ULK4: variants seen among roughly 807,000 people sequenced by gnomAD.
ULK4 encodes inactive serine/threonine-protein kinase ULK4.
Under a neutral mutation model 160.6 loss-of-function variants are expected in ULK4, and 133 were observed. The observed-to-expected ratio is 0.83, with a 90% CI of 0.72 to 0.96. The LOEUF (loss-of-function observed/expected upper bound fraction) is 0.96, where lower values mean the gene tolerates loss of function less well. ULK4 is among the 40% of genes least tolerant of loss of function. The pLI, the probability that ULK4 is intolerant of heterozygous loss-of-function variation, is 0.00. For synonymous variants in ULK4, 534 were observed against 539.8 expected, an observed-to-expected ratio of 0.99 and a Z score of 0.15; for missense variants, 1,580 against 1,499.5, an observed-to-expected ratio of 1.05 and a Z score of -0.89.
intron 21 of ULK4, among the ~76,000 whole-genome samples, chr3:41,782,655 C>A (rs2039885661): frequency 6.6e-6 from 1 of 152,010 alleles, no homozygotes; most frequent in South Asian, 2.1e-4. Context: ...TTTTTACTGG[C>A]ACTATAGCTA....
chr3:41,304,303 G>A (rs978863434), intron 35 of ULK4, among the ~76,000 whole-genome samples: 2 of 139,262 alleles, frequency 1.4e-5, no homozygotes, highest in Non-Finnish European at 3.0e-5. Flanking sequence ...GACAACATTC[G>A]AAGACTGGAA....
At chr3:41,641,137 T>G (rs750230772) in intron 30 of ULK4, among the ~76,000 whole-genome samples, 2 of 152,206 alleles carry the variant, frequency 1.3e-5, no homozygotes, top group Non-Finnish European at 2.9e-5. Flanking sequence ...ATGTGTTGCC[T>G]GAGAGGAGAC....
intron 35 of ULK4, among the ~76,000 whole-genome samples, chr3:41,382,931 GAATTC>G (rs931100369): frequency 1.3e-5 from 2 of 151,922 alleles, no homozygotes; most frequent in Non-Finnish European, 2.9e-5. Flanking sequence ...TCAATTAATG[GAATTC>G]ATTTCTTAAA....
At chr3:41,902,218 A>G (rs1214137777) in intron 12 of ULK4, among the ~76,000 whole-genome samples, 1 of 152,234 alleles carries the variant, frequency 6.6e-6, no homozygotes, top group Non-Finnish European at 1.5e-5. Flanking sequence ...ATAAAGGAAC[A>G]GAGGAGTTAG....
chr3:41,624,075 C>G lies in ULK4; in HGVS notation c.3072-8358G>C, dbSNP rs187592462. ...CAAATGTTAAGTTCATTTATATTTT[C>G]TCTCTTTCCTGGGCAATTGAATGAA... On this transcript the variant is annotated intron_variant, in intron 30 of 36. Coordinates refer to ENST00000301831, the MANE Select transcript of ULK4 (RefSeq NM_017886.4). 1.9e-3 allele frequency among the ~76,000 whole-genome samples: 284 copies of G among 152,244 alleles called. 2 individuals carry two copies. Among genetic ancestry groups the G allele is most frequent in the African/African-American group, 6.6e-3 (274 of 41,538 alleles).
chr3:41,931,169 ATGTCC>A (rs1481874868), intron 5 of ULK4, among the ~76,000 whole-genome samples: 1 of 152,202 alleles, frequency 6.6e-6, no homozygotes, highest in Non-Finnish European at 1.5e-5. Context: ...GGATGAGTTC[ATGTCC>A]TTTGCAGGGA....
intron 32 of ULK4, among the ~76,000 whole-genome samples, chr3:41,481,442 T>C (rs936904225): frequency 6.6e-6 from 1 of 152,200 alleles, no homozygotes; most frequent in Non-Finnish European, 1.5e-5. Context: ...ATCCTTAGCC[T>C]TTAGATATTT....
chr3:41,812,887 T>C (rs2040857989), intron 19 of ULK4, among the ~76,000 whole-genome samples: 1 of 152,206 alleles, frequency 6.6e-6, no homozygotes, highest in Admixed American at 6.5e-5. Context: ...AGTTGTCTTT[T>C]TGTTTAAGGT....
intron 32 of ULK4, among the ~76,000 whole-genome samples, chr3:41,492,312 C>G (rs1257613252): frequency 6.6e-6 from 1 of 152,130 alleles, no homozygotes; most frequent in Non-Finnish European, 1.5e-5. Context: ...GCCACACTGA[C>G]TTCCACAATG....
intron 32 of ULK4, among the ~76,000 whole-genome samples, chr3:41,509,014 T>C (rs1575329773): frequency 2.6e-5 from 4 of 152,140 alleles, no homozygotes; most frequent in Middle Eastern, 3.4e-3. Flanking sequence ...GGTTAATTAT[T>C]AAGCTAATCA....
intron 22 of ULK4, among the ~76,000 whole-genome samples, chr3:41,724,854 A>C (rs1313609993): frequency 6.6e-6 from 1 of 152,186 alleles, no homozygotes; most frequent in Non-Finnish European, 1.5e-5. Flanking sequence ...AATTTTCCTG[A>C]TGACTAATTA....
chr3:41,881,859 C>T (rs2125701633), intron 17 of ULK4, among the ~76,000 whole-genome samples: 1 of 152,294 alleles, frequency 6.6e-6, no homozygotes, highest in African/African-American at 2.4e-5. Context: ...AATACAATGT[C>T]AACAAAGTAC....
chr3:41,275,843 G>A (rs1468480695), intron 35 of ULK4, among the ~76,000 whole-genome samples: 3 of 152,218 alleles, frequency 2.0e-5, no homozygotes. Context: ...CAACCCAGCT[G>A]CTGCTGCCAT....
intron 21 of ULK4, among the ~76,000 whole-genome samples, chr3:41,761,675 T>A (rs1208162777): frequency 6.6e-6 from 1 of 152,066 alleles, no homozygotes; most frequent in African/African-American, 2.4e-5. Flanking sequence ...AACATACATC[T>A]TTTACTTTAC....
intron 16 of ULK4, among the ~76,000 whole-genome samples, chr3:41,887,905 G>A (rs1167999761): frequency 6.6e-6 from 1 of 151,462 alleles, no homozygotes; most frequent in Admixed American, 6.6e-5. Context: ...ACTCACATCT[G>A]TAATCCCCAG....
At chr3:41,432,265 CATAA>C (rs1387090466) in intron 34 of ULK4, among the ~76,000 whole-genome samples, 1 of 152,102 alleles carries the variant, frequency 6.6e-6, no homozygotes, top group African/African-American at 2.4e-5. Flanking sequence ...GAAATACAAG[CATAA>C]ATGATTATGT....
intron 16 of ULK4, 37 bp from the exon 17 acceptor site, chr3:41,883,989 G>A: frequency 2.7e-6 from 4 of 1,470,582 alleles, no homozygotes; most frequent in Non-Finnish European, 3.8e-6. Flanking sequence ...GAAAAGAAGA[G>A]TCGGGGACCG....
intron 35 of ULK4, among the ~76,000 whole-genome samples, chr3:41,396,869 T>TG (rs1226479947): frequency 2.6e-5 from 4 of 152,030 alleles, no homozygotes; most frequent in African/African-American, 7.2e-5. Context: ...GTTTTGGGGT[T>TG]GGGGGGGAGT....
chr3:41,953,369 C>G (rs945954946), intron 2 of ULK4, among the ~76,000 whole-genome samples: 2 of 146,282 alleles, frequency 1.4e-5, no homozygotes, highest in African/African-American at 2.5e-5. Flanking sequence ...ATGGCATGAT[C>G]CCGGCTTACT....
Sources: allele counts gnomAD v4.1 joint callset (sites outside exome capture counted in the v4.1 genomes callset), GRCh38; gene constraint gnomAD v4.1.1; transcripts MANE v1.5; gene names NCBI Gene and HGNC (gene_info 2026-07-23, HGNC 2026-07-21).